Variants in PCDHA11 observed in about 807,000 individuals in gnomAD.
The protein encoded by PCDHA11 is protocadherin alpha-11.
A neutral mutation model predicts 70.3 loss-of-function variants in PCDHA11; 61 were observed. The ratio of observed to expected loss-of-function variants is 0.87; its 90% CI spans 0.71 to 1.07. PCDHA11 has a LOEUF of 1.07. Ranked by LOEUF, PCDHA11 falls within the 50% of genes least tolerant of loss-of-function variation. The probability of loss-of-function intolerance (pLI) is 0.00; values close to 1 mark genes in which losing one functional copy is unlikely to be tolerated. For synonymous variants in PCDHA11, 633 were observed against 555.1 expected, an observed-to-expected ratio of 1.14 and a Z score of -1.97; for missense variants, 1,324 against 1,237.5, an observed-to-expected ratio of 1.07 and a Z score of -1.05.
intron 1 of PCDHA11, chr5:140,927,555 C>T (rs1554204727): frequency 8.7e-6 from 14 of 1,614,058 alleles, no homozygotes; most frequent in East Asian, 2.2e-5. Flanking sequence ...AAGTCACCAT[C>T]ATTGTGGTGG....
At chr5:140,888,649 A>G (rs1554183557) in intron 1 of PCDHA11, among the ~76,000 whole-genome samples, 1 of 152,210 alleles carries the variant, frequency 6.6e-6, no homozygotes, top group African/African-American at 2.4e-5. Flanking sequence ...TACTTTCCTG[A>G]GGACACCACC....
intron 1 of PCDHA11, among the ~76,000 whole-genome samples, chr5:140,941,198 TC>T (rs2092794663): frequency 1.7e-5 from 2 of 119,812 alleles, no homozygotes; most frequent in African/African-American, 6.9e-5. Context: ...TTTTTTTCTT[TC>T]TTCCTTTCTT....
chr5:140,886,844 A>AAG (rs2061185449), intron 1 of PCDHA11, among the ~76,000 whole-genome samples: 1 of 150,634 alleles, frequency 6.6e-6, no homozygotes, highest in Non-Finnish European at 1.5e-5. Flanking sequence ...AAAAAAAAAA[A>AAG]AAAGAAAGGT....
rs1038140347 is a variant in PCDHA11 at position 140,928,220 on chromosome 5, C to T, written c.2392-50729C>T. On this transcript the variant is annotated intron_variant, in intron 1 of 3. Transcript: ENST00000398640. ...GTTGCTGATGTGAATGACAATACAC[C>T]AAACTTTCCTCAACCCCAGCAGGAA... The T allele has an allele frequency of 2.5e-6, 4 of 1,614,048 alleles. No individual in the cohort carries two copies. The Admixed American group carries it at 5.0e-5, about 20-fold the overall frequency.
intron 1 of PCDHA11, chr5:140,877,726 C>T (rs781814794): frequency 6.2e-7 from 1 of 1,614,174 alleles, no homozygotes; most frequent in African/African-American, 1.3e-5. Context: ...GTCTTACTCG[C>T]AGCAGAGGAG....
chr5:141,007,174 G>T (rs926344346), intron 3 of PCDHA11, among the ~76,000 whole-genome samples: 9 of 152,118 alleles, frequency 5.9e-5, no homozygotes, highest in African/African-American at 2.2e-4. Context: ...AGAGAGAAAG[G>T]TCAGGAGAAT....
chr5:140,969,354 T>G, intron 1 of PCDHA11: 1 of 1,612,552 alleles, frequency 6.2e-7, no homozygotes. Context: ...TCAGGGGGTC[T>G]TCTACAAACT....
chr5:140,892,054 T>G (rs1409591142), intron 1 of PCDHA11, among the ~76,000 whole-genome samples: 4 of 152,244 alleles, frequency 2.6e-5, no homozygotes, highest in African/African-American at 7.2e-5. Flanking sequence ...TTTTTCAAAT[T>G]TATTGTTACT....
chr5:140,921,233 T>C lies in PCDHA11; in HGVS notation c.2391+49739T>C, dbSNP rs1431130539. 2.6e-5 allele frequency among the ~76,000 whole-genome samples: 4 copies of C among 152,162 alleles called. No individual in the cohort carries two copies. The East Asian group carries it at 5.8e-4, about 22-fold the overall frequency. ...TTCACGTCTTTTTTGCTAGATGATATTAAGCCACAGATCAAAAAGTCCTAG... is the reference window on the plus strand; with the variant it reads ...TTCACGTCTTTTTTGCTAGATGATACTAAGCCACAGATCAAAAAGTCCTAG... On this transcript the variant is annotated intron_variant, in intron 1 of 3. Coordinates refer to ENST00000398640, the MANE Select transcript of PCDHA11 (RefSeq NM_018902.5).
chr5:141,008,040 T>C (rs1408807855), intron 3 of PCDHA11, among the ~76,000 whole-genome samples: 1 of 152,200 alleles, frequency 6.6e-6, no homozygotes, highest in Admixed American at 6.5e-5. Context: ...ATCTGCCTTT[T>C]GTAACAGGGG....
chr5:140,904,716 G>T, intron 1 of PCDHA11, among the ~76,000 whole-genome samples: 1 of 151,886 alleles, frequency 6.6e-6, no homozygotes. Context: ...ACCACATTCT[G>T]GCCAACATCT....
chr5:140,918,406 G>A (rs1382905411), intron 1 of PCDHA11, among the ~76,000 whole-genome samples: 2 of 152,076 alleles, frequency 1.3e-5, no homozygotes, highest in Non-Finnish European at 2.9e-5. Context: ...GATTTCTCTG[G>A]CCAGGACTTC....
intron 1 of PCDHA11, among the ~76,000 whole-genome samples, chr5:140,886,696 C>T (rs564317930): frequency 2.0e-5 from 3 of 151,944 alleles, no homozygotes; most frequent in Non-Finnish European, 2.9e-5. Flanking sequence ...CATGGTGGCA[C>T]GCGCCTGTAA....
intron 1 of PCDHA11, among the ~76,000 whole-genome samples, chr5:140,898,648 G>T (rs1436511217): frequency 8.5e-5 from 13 of 152,136 alleles, no homozygotes; most frequent in African/African-American, 3.1e-4. Context: ...TGTTCTTTTG[G>T]CTTAGGATTG....
chr5:140,993,891 C>G (rs2097585722), intron 3 of PCDHA11, among the ~76,000 whole-genome samples: 1 of 152,096 alleles, frequency 6.6e-6, no homozygotes. Flanking sequence ...CTATGATGTC[C>G]ATACAACAAA....
intron 1 of PCDHA11, among the ~76,000 whole-genome samples, chr5:140,922,423 T>C (rs1554200812): frequency 6.6e-6 from 1 of 152,170 alleles, no homozygotes; most frequent in Non-Finnish European, 1.5e-5. Context: ...GTACAGAGGC[T>C]GAGGGCAGAA....
chr5:140,958,197 A>G (rs896064147), intron 1 of PCDHA11, among the ~76,000 whole-genome samples: 7 of 152,140 alleles, frequency 4.6e-5, no homozygotes, highest in Non-Finnish European at 1.0e-4. Context: ...CTGGTCTAGT[A>G]TACAAGGGAA....
At chr5:140,882,307 A>C in intron 1 of PCDHA11, 2 of 1,613,900 alleles carry the variant, frequency 1.2e-6, no homozygotes, top group Non-Finnish European at 1.7e-6. Context: ...GACCGCGGCA[A>C]CTACTGCTCT....
rs139717123 is a variant in PCDHA11, at chr5:140,967,213, G to A, written c.2392-11736G>A. 8 of 1,613,598 alleles carry A rather than the reference G, an allele frequency of 5.0e-6. No individual in the cohort carries two copies. The African/African-American group carries it at 8.0e-5, about 16-fold the overall frequency. On this transcript the variant is annotated intron_variant, in intron 1 of 3. Coordinates refer to ENST00000398640, the MANE Select transcript of PCDHA11 (RefSeq NM_018902.5). ...TCAACGACAACTCACCGCGTTTCCC[G>A]CGGCCCAACTACCAGCTTCAGGTAA...
Sources: gnomAD v4.1 joint callset for allele counts (sites outside exome capture counted in the v4.1 genomes callset) on GRCh38, gnomAD v4.1.1 for gene constraint, MANE v1.5 for transcripts, NCBI Gene and HGNC (gene_info 2026-07-23, HGNC 2026-07-21) for gene names.